PFKFB3: variants seen among roughly 807,000 people sequenced by gnomAD.
PFKFB3 encodes 6-phosphofructo-2-kinase/fructose-2,6-biphosphatase 3.
Under a neutral mutation model 68.0 loss-of-function variants are expected in PFKFB3, and 33 were observed. That is an observed-to-expected ratio of 0.49 (90% confidence interval 0.37 to 0.65). The LOEUF is 0.65. Ranked by LOEUF, PFKFB3 falls within the 30% of genes least tolerant of loss-of-function variation. The pLI, the probability that PFKFB3 is intolerant of heterozygous loss-of-function variation, is 0.00. For synonymous variants in PFKFB3, 315 were observed against 288.2 expected (o/e 1.09, Z -0.94); for missense variants, 586 against 712.2 (o/e 0.82, Z 2.02).
rs1243769882 is a variant in PFKFB3 at position 6,234,545 on chromosome 10, T to A, written c.*1603T>A. On this transcript the variant is annotated 3_prime_UTR_variant, in exon 15 of 15. Coordinates refer to ENST00000379775, the MANE Select transcript of PFKFB3 (RefSeq NM_004566.4). ...CCCGTTGCACCCACTTTGGCTGGCG[T>A]CTGCTGGAGAGGATGTCTCTGTCCG... The A allele has an allele frequency of 6.6e-6, 1 of 152,316 alleles. No individual in the cohort carries two copies. The highest frequency in any genetic ancestry group is 1.5e-5 in the Non-Finnish European group (1 of 68,062). 9.4% of individuals were successfully genotyped at this position (152,316 alleles called of 1,614,324 possible).
At chr10:6,193,478 T>A (rs1280053887) in intron 1 of PFKFB3, among the ~76,000 whole-genome samples, 2 of 152,226 alleles carry the variant, frequency 1.3e-5, no homozygotes, top group African/African-American at 2.4e-5. Context: ...TGTCGGACAC[T>A]GTGGTAGGAT....
chr10:6,216,395 G>A (rs1281656635), intron 4 of PFKFB3, among the ~76,000 whole-genome samples: 3 of 152,198 alleles, frequency 2.0e-5, no homozygotes, highest in African/African-American at 7.2e-5. Context: ...CACCTCCAGG[G>A]CGGGCAGGAC....
the PFKFB3 span, among the ~76,000 whole-genome samples, chr10:6,295,099 CTGTT>C: frequency 1.1e-4 from 16 of 152,076 alleles, no homozygotes; most frequent in South Asian, 2.9e-3. Context: ...GCTGTGTTCA[CTGTT>C]TGCTGTAGCT....
intron 1 of PFKFB3, among the ~76,000 whole-genome samples, chr10:6,153,759 G>C (rs1050908726): frequency 2.0e-5 from 3 of 152,092 alleles, no homozygotes; most frequent in African/African-American, 7.2e-5. Context: ...GGAGGCTGAG[G>C]CAGGAGAATT....
chr10:6,191,146 AATCTATTTC>A (rs1364656632), intron 1 of PFKFB3, among the ~76,000 whole-genome samples: 2 of 152,210 alleles, frequency 1.3e-5, no homozygotes, highest in African/African-American at 4.8e-5. Flanking sequence ...ACAAAGATTA[AATCTATTTC>A]AAGCTGTCAA....
chr10:6,153,862 A>G (rs1564584900), intron 1 of PFKFB3, among the ~76,000 whole-genome samples: 1 of 151,872 alleles, frequency 6.6e-6, no homozygotes, highest in African/African-American at 2.4e-5. Flanking sequence ...TAAAAAAAAA[A>G]AGAGAGGGGA....
intron 1 of PFKFB3, among the ~76,000 whole-genome samples, chr10:6,168,777 A>G (rs11599186): frequency 0.17 from 25,431 of 152,134 alleles, 2,642 homozygotes; most frequent in Non-Finnish European, 0.23. Flanking sequence ...GAGCCCTTAC[A>G]TTCAGGCCTG....
At chr10:6,269,236 T>C in the PFKFB3 span, among the ~76,000 whole-genome samples, 1 of 151,906 alleles carries the variant, frequency 6.6e-6, no homozygotes, top group Non-Finnish European at 1.5e-5. Flanking sequence ...TTTTTTTTTT[T>C]TCAGCTGTTA....
At chr10:6,189,822 A>G (rs186795497) in intron 1 of PFKFB3, among the ~76,000 whole-genome samples, 482 of 151,648 alleles carry the variant, frequency 3.2e-3, no homozygotes, top group Non-Finnish European at 3.7e-3. Context: ...GCTTGAGGGT[A>G]ACTTTATCAC....
intron 1 of PFKFB3, among the ~76,000 whole-genome samples, chr10:6,166,595 C>T (rs370419126): frequency 2.0e-5 from 3 of 152,102 alleles, no homozygotes; most frequent in Non-Finnish European, 4.4e-5. Context: ...GGGAGATTGT[C>T]GCTGGTCAGA....
the PFKFB3 span, among the ~76,000 whole-genome samples, chr10:6,314,925 G>A: frequency 6.6e-6 from 1 of 152,168 alleles, no homozygotes; most frequent in African/African-American, 2.4e-5. Flanking sequence ...AATGACTGAT[G>A]CCACAGCTCA....
At chr10:6,248,691 T>C (rs1046230859) in intron 14 of PFKFB3, among the ~76,000 whole-genome samples, 1 of 143,576 alleles carries the variant, frequency 7.0e-6, no homozygotes, top group Non-Finnish European at 1.5e-5. Context: ...AAAGAAGACA[T>C]GCAAATGGCC....
In PFKFB3 at chr10:6,203,058, C is replaced by A; in HGVS notation, c.-203C>A. On this transcript the variant is annotated 5_prime_UTR_variant, in exon 1 of 15. Transcript: ENST00000379775. ...TGCCGGGCATCCCCAGCCTCGCTAC[C>A]CTCGCAGCACACGTCGAGCCCCGCA... 1 of 1,388,228 alleles carries A rather than the reference C, an allele frequency of 7.2e-7. No individual in the cohort carries two copies. The highest frequency in any genetic ancestry group is 9.3e-7 in the Non-Finnish European group (1 of 1,076,160). 86.0% of individuals were successfully genotyped at this position (1,388,228 alleles called of 1,614,324 possible).
chr10:6,266,158 C>T, the PFKFB3 span, among the ~76,000 whole-genome samples: 2 of 152,150 alleles, frequency 1.3e-5, no homozygotes, highest in Non-Finnish European at 2.9e-5. Context: ...ATCCTTCTGC[C>T]TCGGCCTCTC....
chr10:6,217,336 G>A, intron 6 of PFKFB3, 145 bp downstream of exon 6: 1 of 758,046 alleles, frequency 1.3e-6, no homozygotes. Context: ...TTGATTGGGA[G>A]GTCAGACCTA....
chr10:6,232,569 G>A (rs113933973), intron 14 of PFKFB3, among the ~76,000 whole-genome samples: 2,518 of 152,230 alleles, frequency 0.017, 70 homozygotes, highest in African/African-American at 0.057. Context: ...CTATGGGGTC[G>A]TGAGCATGAG....
chr10:6,251,379 G>A (rs1366651327), intron 14 of PFKFB3, among the ~76,000 whole-genome samples: 1 of 152,158 alleles, frequency 6.6e-6, no homozygotes, highest in Non-Finnish European at 1.5e-5. Flanking sequence ...TGAGTTTTTT[G>A]AATTAATAGT....
chr10:6,315,923 T>C, the PFKFB3 span, among the ~76,000 whole-genome samples: 1 of 152,260 alleles, frequency 6.6e-6, no homozygotes, highest in Non-Finnish European at 1.5e-5. Context: ...ATATTTGATA[T>C]ATTTGATCCT....
At chr10:6,171,102 CAATGGCGT>C (rs1842296623) in intron 1 of PFKFB3, among the ~76,000 whole-genome samples, 1 of 152,118 alleles carries the variant, frequency 6.6e-6, no homozygotes, top group Non-Finnish European at 1.5e-5. Context: ...TGCAATGGTG[CAATGGCGT>C]GTTCTTGGCT....
Sources: allele counts gnomAD v4.1 joint callset (sites outside exome capture counted in the v4.1 genomes callset), GRCh38; gene constraint gnomAD v4.1.1; transcripts MANE v1.5; gene names NCBI Gene and HGNC (gene_info 2026-07-23, HGNC 2026-07-21).